Variants in CCDC50 observed in about 807,000 individuals in gnomAD.
CCDC50 encodes coiled-coil domain containing 50.
CCDC50 carries 54 observed loss-of-function variants against 70.2 expected under a neutral mutation model. That is an observed-to-expected ratio of 0.77 (90% CI 0.62 to 0.96). CCDC50 has a LOEUF of 0.96. CCDC50 is among the 50% of genes least tolerant of loss of function. The pLI is 0.00. For missense variants in CCDC50, 558 were observed against 578.7 expected, an observed-to-expected ratio of 0.96 and a Z score of 0.37; for synonymous variants, 216 against 198.8, an observed-to-expected ratio of 1.09 and a Z score of -0.73.
intron 4 of CCDC50, 131 bp downstream of exon 4, chr3:191,361,290 GC>G: frequency 1.4e-6 from 1 of 705,296 alleles, no homozygotes; most frequent in Non-Finnish European, 2.6e-6. Context: ...TATTTGGGCT[GC>G]ATTTTCCTCT....
At chr3:191,354,715 C>T (rs892819593) in intron 1 of CCDC50, among the ~76,000 whole-genome samples, 1 of 152,038 alleles carries the variant, frequency 6.6e-6, no homozygotes, top group Non-Finnish European at 1.5e-5. Context: ...AAACTAGTTT[C>T]CTGTACTGTG....
At chr3:191,379,123 A>G (rs774523957) in intron 6 of CCDC50, among the ~76,000 whole-genome samples, 1 of 152,130 alleles carries the variant, frequency 6.6e-6, no homozygotes, top group Non-Finnish European at 1.5e-5. Flanking sequence ...TGGACATAAT[A>G]CACTAAACAG....
chr3:191,349,593 G>A (rs1712037059), intron 1 of CCDC50, among the ~76,000 whole-genome samples: 1 of 141,562 alleles, frequency 7.1e-6, no homozygotes, highest in African/African-American at 2.5e-5. Flanking sequence ...TGGGAAGAGG[G>A]TGAGAGATGA....
intron 1 of CCDC50, among the ~76,000 whole-genome samples, chr3:191,354,886 G>A (rs1023257406): frequency 1.1e-4 from 17 of 152,070 alleles, no homozygotes; most frequent in African/African-American, 4.1e-4. Context: ...ACTTCACATT[G>A]TCTGTAGATT....
At chr3:191,372,139 A>G (rs1712935510) in intron 5 of CCDC50, among the ~76,000 whole-genome samples, 1 of 152,196 alleles carries the variant, frequency 6.6e-6, no homozygotes, top group Admixed American at 6.5e-5. Flanking sequence ...TCTCTAGGGC[A>G]GGAGACTATG....
chr3:191,355,120 C>A (rs1712235026), intron 1 of CCDC50, among the ~76,000 whole-genome samples: 1 of 151,960 alleles, frequency 6.6e-6, no homozygotes, highest in African/African-American at 2.4e-5. Context: ...GATTTTTTGA[C>A]CTAATAATAG....
intron 1 of CCDC50, among the ~76,000 whole-genome samples, chr3:191,336,132 G>GTTT (rs879774558): frequency 7.3e-6 from 1 of 137,210 alleles, no homozygotes; most frequent in African/African-American, 2.7e-5. Context: ...GTGTACAAGT[G>GTTT]TTTTTTTTTT....
At chr3:191,361,522 CCTTG>C (rs1712487326) in intron 4 of CCDC50, among the ~76,000 whole-genome samples, 1 of 152,164 alleles carries the variant, frequency 6.6e-6, no homozygotes, top group Non-Finnish European at 1.5e-5. Context: ...AAGGATCCTT[CCTTG>C]CCTCTTCCTA....
In CCDC50 at chr3:191,333,889, T is replaced by G. The variant is rs147237303; in HGVS notation, c.49+4166T>G. Among the ~76,000 whole-genome samples, 232 of 152,284 alleles carry G rather than the reference T, an allele frequency of 1.5e-3. 2 individuals are homozygous for G. In the East Asian group the frequency reaches 0.039, roughly 26 times the overall value. On this transcript the variant is annotated intron_variant, in intron 1 of 11. Transcript: ENST00000392455. ...GAATTTTTTTCTAATTTTTTATAGGTATGTCTTGTAAATAGAATTCATTCA... is the reference window on the plus strand; with the variant it reads ...GAATTTTTTTCTAATTTTTTATAGGGATGTCTTGTAAATAGAATTCATTCA...
At chr3:191,333,345 G>A (rs766290853) in intron 1 of CCDC50, among the ~76,000 whole-genome samples, 4 of 152,216 alleles carry the variant, frequency 2.6e-5, no homozygotes, top group African/African-American at 4.8e-5. Flanking sequence ...AGTTAATGGC[G>A]TACATCCAGA....
At chr3:191,370,075 C>A in intron 5 of CCDC50, 39 bp downstream of exon 5, 1 of 1,391,424 alleles carries the variant, frequency 7.2e-7, no homozygotes, top group Non-Finnish European at 1.0e-6. Flanking sequence ...TATCCTTAGA[C>A]TCAACCATAA....
At chr3:191,364,397 A>G (rs1026110044) in intron 4 of CCDC50, among the ~76,000 whole-genome samples, 6 of 149,780 alleles carry the variant, frequency 4.0e-5, no homozygotes, top group Non-Finnish European at 5.9e-5. Context: ...TTCCCTCTCA[A>G]TGCTCTTCTG....
chr3:191,357,055 C>A, intron 1 of CCDC50, 33 bp from the exon 2 acceptor site: 2 of 1,396,206 alleles, frequency 1.4e-6, no homozygotes, highest in South Asian at 2.3e-5. Context: ...TACTAATGAG[C>A]CTTCCTGTCT....
chr3:191,376,591 T>A (rs1236997909), intron 6 of CCDC50, among the ~76,000 whole-genome samples: 3 of 152,158 alleles, frequency 2.0e-5, no homozygotes, highest in Non-Finnish European at 4.4e-5. Context: ...CCTGTCATGT[T>A]ATTTCTTATT....
At chr3:191,336,877 A>G (rs753105042) in intron 1 of CCDC50, among the ~76,000 whole-genome samples, 16 of 152,206 alleles carry the variant, frequency 1.1e-4, no homozygotes, top group Admixed American at 6.5e-5. Flanking sequence ...TAGTAATTCA[A>G]ATTTGTTGCA....
chr3:191,378,092 A>G (rs1305087032), intron 6 of CCDC50, among the ~76,000 whole-genome samples: 1 of 152,126 alleles, frequency 6.6e-6, no homozygotes, highest in Non-Finnish European at 1.5e-5. Flanking sequence ...GGGCATCCTG[A>G]CAGTGCAGAA....
Position 191,375,518 on chromosome 3 carries a change from G to C in CCDC50, c.905G>C (p.Arg302Thr). ...YGRDHGQGEH[R>T]KRRHRPRTPP... ...AGGGACCATGGGCAAGGTGAGCACA[G>C]AAAAAGGAGACACAGGCCCAGGACT... The change falls in exon 6 of 12, where the codon AGA becomes ACA. Residue 302 changes from arginine to threonine, a missense_variant. Coordinates refer to ENST00000392455, the MANE Select transcript of CCDC50 (RefSeq NM_178335.3). 1 of 1,613,580 alleles carries C rather than the reference G, an allele frequency of 6.2e-7. No homozygotes were observed. Among genetic ancestry groups the C allele is most frequent in the South Asian group, 1.1e-5 (1 of 91,024 alleles).
intron 6 of CCDC50, among the ~76,000 whole-genome samples, 162 bp downstream of exon 6, chr3:191,375,751 C>T (rs1440241327): frequency 6.6e-6 from 1 of 152,130 alleles, no homozygotes; most frequent in Non-Finnish European, 1.5e-5. Context: ...TACACTTAAT[C>T]TCAGGTCTGT....
chr3:191,343,135 G>A (rs1348757217), intron 1 of CCDC50, among the ~76,000 whole-genome samples: 1 of 152,168 alleles, frequency 6.6e-6, no homozygotes, highest in Non-Finnish European at 1.5e-5. Context: ...AGGGCCAACT[G>A]CAAGAAGTGA....
Sources: gnomAD v4.1 joint callset for allele counts (sites outside exome capture counted in the v4.1 genomes callset) on GRCh38, gnomAD v4.1.1 for gene constraint, MANE v1.5 for transcripts, NCBI Gene and HGNC (gene_info 2026-07-23, HGNC 2026-07-21) for gene names.